Variants in SCAPER observed in about 807,000 individuals in gnomAD.
SCAPER encodes the protein S-phase cyclin A associated protein in the ER.
In SCAPER, 98 loss-of-function variants were observed where a neutral mutation model predicts 182.2. The observed-to-expected ratio is 0.54, with a 90% CI of 0.46 to 0.64. The LOEUF (loss-of-function observed/expected upper bound fraction) is 0.64. Among genes scored for constraint, SCAPER ranks in the 30% least tolerant of loss-of-function variants. The pLI is 0.00. For synonymous variants in SCAPER, 605 were observed against 564.6 expected (o/e 1.07, Z -1.01); for missense variants, 1,432 against 1,690.0 (o/e 0.85, Z 2.68).
intron 27 of SCAPER, among the ~76,000 whole-genome samples, chr15:76,394,091 G>A (rs142731560): frequency 4.6e-5 from 7 of 152,310 alleles, no homozygotes; most frequent in Non-Finnish European, 4.4e-5. Flanking sequence ...TATTGTAACC[G>A]TAACAAGAAG....
At chr15:76,819,586 A>G (rs889307374) in intron 5 of SCAPER, among the ~76,000 whole-genome samples, 2 of 152,194 alleles carry the variant, frequency 1.3e-5, no homozygotes, top group African/African-American at 2.4e-5. Flanking sequence ...ACCCATCTGT[A>G]CGTCATCATC....
chr15:76,805,876 A>G (rs991035728), intron 5 of SCAPER, among the ~76,000 whole-genome samples: 1 of 152,122 alleles, frequency 6.6e-6, no homozygotes, highest in Non-Finnish European at 1.5e-5. Flanking sequence ...CGACATTTGT[A>G]TATCTTAAAA....
chr15:76,625,935 A>C (rs1301300875), intron 21 of SCAPER, among the ~76,000 whole-genome samples: 1 of 152,176 alleles, frequency 6.6e-6, no homozygotes, highest in East Asian at 1.9e-4. Flanking sequence ...ACAACGGAAG[A>C]AGAAGAACTG....
chr15:76,558,808 G>GAT (rs1478217080), intron 23 of SCAPER, among the ~76,000 whole-genome samples: 2 of 151,956 alleles, frequency 1.3e-5, no homozygotes, highest in South Asian at 2.1e-4. Context: ...AAGAAAATGT[G>GAT]ATATATATAC....
At chr15:76,433,972 A>G (rs960772305) in intron 26 of SCAPER, 106 bp downstream of exon 26, 11 of 872,982 alleles carry the variant, frequency 1.3e-5, no homozygotes, top group Non-Finnish European at 1.7e-5. Context: ...GGAATGTGTG[A>G]ATGGCATTGT....
At chr15:76,375,257 G>C (rs116250384) in intron 29 of SCAPER, among the ~76,000 whole-genome samples, 2,234 of 140,326 alleles carry the variant, frequency 0.016, 60 homozygotes, top group African/African-American at 0.056. Context: ...ATTTACAAAT[G>C]AAATCTATGA....
chr15:76,702,745 C>T (rs941830498), intron 19 of SCAPER, 105 bp downstream of exon 19: 23 of 1,337,520 alleles, frequency 1.7e-5, no homozygotes, highest in African/African-American at 3.1e-5. Flanking sequence ...TGCCACATCT[C>T]GCCTGCCTTA....
intron 23 of SCAPER, among the ~76,000 whole-genome samples, chr15:76,533,736 T>C (rs2043881785): frequency 6.8e-6 from 1 of 146,010 alleles, no homozygotes. Context: ...GAAACAGTCT[T>C]TAACTGGCTG....
At chr15:76,666,989 G>A (rs1317236044) in intron 20 of SCAPER, among the ~76,000 whole-genome samples, 1 of 152,008 alleles carries the variant, frequency 6.6e-6, no homozygotes, top group Non-Finnish European at 1.5e-5. Context: ...CAGTTTTCCC[G>A]TTTCTACTTA....
chr15:76,568,541 G>C (rs988617446), intron 23 of SCAPER, among the ~76,000 whole-genome samples: 2 of 151,922 alleles, frequency 1.3e-5, no homozygotes, highest in Non-Finnish European at 2.9e-5. Flanking sequence ...ATTTTTAGTA[G>C]AGACGGGGTT....
At chr15:76,413,767 C>T (rs1030119145) in intron 26 of SCAPER, among the ~76,000 whole-genome samples, 3 of 152,294 alleles carry the variant, frequency 2.0e-5, no homozygotes, top group East Asian at 1.9e-4. Flanking sequence ...GCACATGCAA[C>T]ATCCATCTGG....
chr15:76,834,352 G>A (rs1437565869), intron 5 of SCAPER, among the ~76,000 whole-genome samples: 3 of 152,128 alleles, frequency 2.0e-5, no homozygotes, highest in African/African-American at 4.8e-5. Flanking sequence ...TACAGCAATA[G>A]TAAGAGGAAA....
At chr15:76,689,566 T>C (rs1262274132) in intron 20 of SCAPER, among the ~76,000 whole-genome samples, 2 of 151,918 alleles carry the variant, frequency 1.3e-5, no homozygotes, top group Non-Finnish European at 1.5e-5. Flanking sequence ...GAAACTGATA[T>C]GGTAGAGAAA....
At chr15:76,410,960 T>C (rs551585289) in intron 26 of SCAPER, among the ~76,000 whole-genome samples, 18 of 152,152 alleles carry the variant, frequency 1.2e-4, no homozygotes, top group Non-Finnish European at 2.5e-4. Flanking sequence ...TGCTTTCTCT[T>C]GAGATATATT....
intron 20 of SCAPER, among the ~76,000 whole-genome samples, chr15:76,686,844 T>C (rs2058063879): frequency 6.6e-6 from 1 of 151,900 alleles, no homozygotes; most frequent in Admixed American, 6.6e-5. Context: ...ACAACCAAAA[T>C]AAAAGTATAC....
intron 24 of SCAPER, among the ~76,000 whole-genome samples, chr15:76,473,058 T>C (rs965625396): frequency 5.9e-5 from 9 of 152,170 alleles, no homozygotes; most frequent in African/African-American, 1.9e-4. Context: ...CATTTCTAGA[T>C]TGTGGATTTT....
At chr15:76,572,300 T>G (rs2047486749) in intron 23 of SCAPER, among the ~76,000 whole-genome samples, 1 of 152,232 alleles carries the variant, frequency 6.6e-6, no homozygotes, top group Non-Finnish European at 1.5e-5. Flanking sequence ...CTCTATACTT[T>G]ACAAAAATAA....
At chr15:76,449,546 G>C (rs2048230664) in intron 25 of SCAPER, among the ~76,000 whole-genome samples, 1 of 152,198 alleles carries the variant, frequency 6.6e-6, no homozygotes, top group African/African-American at 2.4e-5. Flanking sequence ...TTTCTCAACT[G>C]TAACTTGAAA....
chr15:76,691,689 G>A (rs1485316324), intron 20 of SCAPER, among the ~76,000 whole-genome samples: 2 of 152,028 alleles, frequency 1.3e-5, no homozygotes, highest in African/African-American at 4.8e-5. Flanking sequence ...GCAAAAATCA[G>A]ATTTCCCCAC....
Sources: gnomAD v4.1 joint callset for allele counts (sites outside exome capture counted in the v4.1 genomes callset) on GRCh38, gnomAD v4.1.1 for gene constraint, MANE v1.5 for transcripts, NCBI Gene and HGNC (gene_info 2026-07-23, HGNC 2026-07-21) for gene names.